The following CDYL2 variants were observed in gnomAD, a reference collection of about 807,000 sequenced individuals.
CDYL2 encodes the protein chromodomain Y-like protein 2.
In CDYL2, 23 loss-of-function variants were observed where a neutral mutation model predicts 49.4. That is an observed-to-expected ratio of 0.47 (90% CI 0.34 to 0.66). The LOEUF (loss-of-function observed/expected upper bound fraction) is 0.66. Ranked by LOEUF, CDYL2 falls within the 30% of genes least tolerant of loss-of-function variation. CDYL2 has a pLI of 0.01. For missense variants in CDYL2, 678 were observed against 656.4 expected (o/e 1.03, Z -0.36); for synonymous variants, 360 against 268.8 (o/e 1.34, Z -3.32).
intron 3 of CDYL2, chr16:80,628,514 G>T (rs1597133429): frequency 6.6e-6 from 1 of 152,438 alleles, no homozygotes; most frequent in East Asian, 1.9e-4. Flanking sequence ...GAGCCTTCGT[G>T]TGAGACTGCA....
intron 1 of CDYL2, among the ~76,000 whole-genome samples, chr16:80,731,481 A>T (rs568086975): frequency 6.6e-6 from 1 of 152,298 alleles, no homozygotes; most frequent in South Asian, 2.1e-4. Flanking sequence ...GTGTTTCCAG[A>T]TTCAAAGAGC....
In CDYL2 at chr16:80,672,352, C is replaced by CACACAGAGAGAG. The variant is rs68130206; in HGVS notation, c.616+12185_616+12186insCTCTCTCTGTGT. Among the ~76,000 whole-genome samples, 1,074 of 117,768 alleles carry CACACAGAGAGAG rather than the reference C, an allele frequency of 9.1e-3. 8 individuals carry two copies. The highest frequency in any genetic ancestry group is 0.051 in the East Asian group (168 of 3,312). The allele number at this position is 117,768 out of a possible 152,430, so 77.3% of individuals were successfully genotyped here. ...ACACACACACACACACACACACACA[C>CACACAGAGAGAG]AGAGAGAGAGAGAGAGATGAGTAGA... On this transcript the variant is annotated intron_variant, in intron 2 of 6. Coordinates refer to ENST00000570137, the MANE Select transcript of CDYL2 (RefSeq NM_152342.4).
At chr16:80,606,381 C>T (rs7191157) in intron 6 of CDYL2, among the ~76,000 whole-genome samples, 41,199 of 152,060 alleles carry the variant, frequency 0.27, 5,835 homozygotes, top group Middle Eastern at 0.38. Flanking sequence ...TGTCCTTCAA[C>T]ACTTGGTTTC....
intron 1 of CDYL2, among the ~76,000 whole-genome samples, chr16:80,741,140 C>A (rs1905719769): frequency 6.7e-6 from 1 of 149,220 alleles, no homozygotes. Context: ...GCATAAAAAG[C>A]CCAGAAACAT....
At chr16:80,804,725 C>T (rs544675651), upstream of CDYL2, among the ~76,000 whole-genome samples, 16 of 149,336 alleles carry the variant, frequency 1.1e-4, no homozygotes, top group East Asian at 2.6e-3. Flanking sequence ...CCCGCCACCC[C>T]GGGCCGGCTT....
At chr16:80,666,798 C>T (rs902006268) in intron 2 of CDYL2, among the ~76,000 whole-genome samples, 25 of 152,132 alleles carry the variant, frequency 1.6e-4, no homozygotes, top group Admixed American at 7.9e-4. Context: ...CCTCAGGACC[C>T]CCATCTTAAA....
At chr16:80,688,027 G>A (rs1268887477) in intron 1 of CDYL2, among the ~76,000 whole-genome samples, 1 of 152,198 alleles carries the variant, frequency 6.6e-6, no homozygotes, top group Non-Finnish European at 1.5e-5. Context: ...TCCATGCATG[G>A]AAGGTGGCTA....
At chr16:80,679,492 C>T (rs1322182677) in intron 2 of CDYL2, among the ~76,000 whole-genome samples, 1 of 152,102 alleles carries the variant, frequency 6.6e-6, no homozygotes, top group African/African-American at 2.4e-5. Context: ...CTAATTCCAA[C>T]CTGGACACTT....
intron 3 of CDYL2, among the ~76,000 whole-genome samples, chr16:80,625,813 G>T (rs1309474833): frequency 6.6e-6 from 1 of 152,146 alleles, no homozygotes; most frequent in Non-Finnish European, 1.5e-5. Context: ...TTGTCAAGGT[G>T]CTGAGGAAAA....
At chr16:80,668,003 G>C (rs1909340324) in intron 2 of CDYL2, among the ~76,000 whole-genome samples, 1 of 152,236 alleles carries the variant, frequency 6.6e-6, no homozygotes, top group African/African-American at 2.4e-5. Flanking sequence ...AACATGAGAA[G>C]ATGCTCACCC....
chr16:80,613,097 T>C lies in CDYL2; in HGVS notation c.1008-261A>G, dbSNP rs1365372839. ...GTCCTAGCACTGCACCCAGTTACCA[T>C]CTCCTTCCACTCTCAAAAGCCATAG... On this transcript the variant is annotated intron_variant, in intron 4 of 6. Coordinates refer to ENST00000570137, the MANE Select transcript of CDYL2 (RefSeq NM_152342.4). Among the ~76,000 whole-genome samples, 4 of 152,066 alleles carry C rather than the reference T, an allele frequency of 2.6e-5. 1 individual carries two copies. The highest frequency in any genetic ancestry group is 3.9e-4 in the East Asian group (2 of 5,180).
At chr16:80,616,819 G>A (rs1472639668) in intron 4 of CDYL2, among the ~76,000 whole-genome samples, 2 of 152,214 alleles carry the variant, frequency 1.3e-5, no homozygotes, top group East Asian at 3.8e-4. Flanking sequence ...TTCACACAGA[G>A]TATCTTTTTA....
At chr16:80,757,448 G>T (rs1906349639) in intron 1 of CDYL2, among the ~76,000 whole-genome samples, 1 of 151,332 alleles carries the variant, frequency 6.6e-6, no homozygotes, top group African/African-American at 2.4e-5. Flanking sequence ...GCTGAGAGGG[G>T]AGGCTTGCTT....
At chr16:80,765,378 A>G (rs1906684876) in intron 1 of CDYL2, among the ~76,000 whole-genome samples, 1 of 151,824 alleles carries the variant, frequency 6.6e-6, no homozygotes, top group Admixed American at 6.6e-5. Context: ...AATTCTTTAA[A>G]AGCAAAGAAG....
At chr16:80,627,063 T>G (rs1420281049) in intron 3 of CDYL2, among the ~76,000 whole-genome samples, 1 of 151,976 alleles carries the variant, frequency 6.6e-6, no homozygotes, top group Non-Finnish European at 1.5e-5. Flanking sequence ...AGGATTTTGG[T>G]GGAAAAAACA....
intron 1 of CDYL2, among the ~76,000 whole-genome samples, chr16:80,721,483 G>C (rs1412486213): frequency 6.6e-6 from 1 of 152,152 alleles, no homozygotes; most frequent in Non-Finnish European, 1.5e-5. Context: ...GACTATTTGG[G>C]AGAGTGGCGA....
intron 1 of CDYL2, among the ~76,000 whole-genome samples, chr16:80,780,499 G>C (rs149444477): frequency 1.4e-5 from 2 of 145,900 alleles, no homozygotes; most frequent in Admixed American, 1.4e-4. Flanking sequence ...CCGCCTCCCA[G>C]GTTCACGCCA....
intron 2 of CDYL2, among the ~76,000 whole-genome samples, chr16:80,648,594 C>G (rs1287321076): frequency 1.3e-5 from 2 of 151,842 alleles, no homozygotes; most frequent in African/African-American, 4.8e-5. Context: ...ACCAATCCTA[C>G]TCAAACTATT....
intron 1 of CDYL2, among the ~76,000 whole-genome samples, chr16:80,760,452 C>G (rs1042293216): frequency 6.6e-6 from 1 of 152,058 alleles, no homozygotes; most frequent in Non-Finnish European, 1.5e-5. Context: ...TCAATAATAA[C>G]GTAATTGTAC....
Sources: allele counts gnomAD v4.1 joint callset (sites outside exome capture counted in the v4.1 genomes callset), GRCh38; gene constraint gnomAD v4.1.1; transcripts MANE v1.5; gene names NCBI Gene and HGNC (gene_info 2026-07-23, HGNC 2026-07-21).